The following NUDT6 variants were observed in gnomAD, a reference collection of about 807,000 sequenced individuals.
NUDT6 encodes the protein FAD diphosphatase NUDT6.
NUDT6 carries 24 observed loss-of-function variants against 36.8 expected under a neutral mutation model. The ratio of observed to expected loss-of-function variants is 0.65; its 90% confidence interval spans 0.47 to 0.92. The LOEUF (loss-of-function observed/expected upper bound fraction) is 0.92. Ranked by LOEUF, NUDT6 falls within the 40% of genes least tolerant of loss-of-function variation. The pLI is 0.00. For missense variants in NUDT6, 388 were observed against 392.8 expected (o/e 0.99, Z 0.10); for synonymous variants, 163 against 157.0 (o/e 1.04, Z -0.29).
At chr4:122,905,493 G>T (rs954491323) in intron 3 of NUDT6, among the ~76,000 whole-genome samples, 2 of 152,140 alleles carry the variant, frequency 1.3e-5, no homozygotes, top group Non-Finnish European at 2.9e-5. Context: ...ATGTATGTCT[G>T]TGTGTATACA....
At chr4:122,900,084 GC>G (rs911497780) in intron 3 of NUDT6, among the ~76,000 whole-genome samples, 1 of 41,506 alleles carries the variant, frequency 2.4e-5, no homozygotes, top group Non-Finnish European at 5.1e-5. Flanking sequence ...CACCACCACT[GC>G]CCCAGAGAGA....
upstream of NUDT6, chr4:122,922,952 C>T: frequency 1.5e-6 from 1 of 656,808 alleles, no homozygotes; most frequent in East Asian, 2.6e-5. Context: ...GCCGTTACAG[C>T]TGTTTCAAAG....
chr4:122,922,206 C>G (rs1236318308), intron 1 of NUDT6, 129 bp downstream of exon 1: 14 of 725,090 alleles, frequency 1.9e-5, no homozygotes, highest in African/African-American at 3.7e-5. Flanking sequence ...AGGTCCAGGT[C>G]ACGCGTGCCT....
intron 3 of NUDT6, among the ~76,000 whole-genome samples, chr4:122,900,059 C>CG (rs35062626): frequency 8.4e-5 from 8 of 94,768 alleles, no homozygotes; most frequent in Non-Finnish European, 1.1e-4. Context: ...CCCCCGCCAC[C>CG]CCCCCCCCGG....
chr4:122,920,363 A>G (rs1727947343), intron 1 of NUDT6: 1 of 152,324 alleles, frequency 6.6e-6, no homozygotes, highest in Admixed American at 6.5e-5. Flanking sequence ...ATCTACCTCA[A>G]AGGGTTGTTA....
chr4:122,914,921 G>A (rs72919875), intron 2 of NUDT6, among the ~76,000 whole-genome samples: 6,748 of 152,110 alleles, frequency 0.044, 489 homozygotes, highest in African/African-American at 0.15. Context: ...ATATAATAGA[G>A]TTTCAGACTG....
intron 3 of NUDT6, among the ~76,000 whole-genome samples, chr4:122,911,595 A>G (rs1393127780): frequency 6.6e-6 from 1 of 152,198 alleles, no homozygotes. Flanking sequence ...CCATAAGAAT[A>G]GTTTTAGATA....
intron 3 of NUDT6, among the ~76,000 whole-genome samples, chr4:122,905,625 T>C (rs11737764): frequency 0.8 from 121,340 of 152,194 alleles, 50,456 homozygotes; most frequent in East Asian, 0.95. Flanking sequence ...GCCCATATTC[T>C]CACCCATGAG....
intron 4 of NUDT6, chr4:122,894,268 A>T (rs768643348): frequency 2.0e-5 from 3 of 152,224 alleles, no homozygotes; most frequent in Admixed American, 6.5e-5. Context: ...CCATAGGTTA[A>T]ACATGGTTAG....
At chr4:122,893,358 A>C in intron 4 of NUDT6, 133 bp from the exon 5 acceptor site, 1 of 817,674 alleles carries the variant, frequency 1.2e-6, no homozygotes. Flanking sequence ...TTTTCAATAC[A>C]AATTCTTTGC....
At chr4:122,907,190 G>A (rs961679952) in intron 3 of NUDT6, among the ~76,000 whole-genome samples, 3 of 152,126 alleles carry the variant, frequency 2.0e-5, no homozygotes, top group Admixed American at 6.5e-5. Context: ...GAGGGCAGTG[G>A]CATGATCTCA....
At chr4:122,903,911 G>A (rs2150803221) in intron 3 of NUDT6, among the ~76,000 whole-genome samples, 1 of 152,282 alleles carries the variant, frequency 6.6e-6, no homozygotes, top group South Asian at 2.1e-4. Flanking sequence ...AGAGATCTGG[G>A]TCCAGATAAA....
chr4:122,920,529 G>A (rs1037924750), intron 1 of NUDT6: 4 of 152,158 alleles, frequency 2.6e-5, no homozygotes, highest in Middle Eastern at 3.2e-3. Flanking sequence ...TAGAGCTGGC[G>A]TTATTCACAA....
chr4:122,909,213 G>A (rs889201455), intron 3 of NUDT6, among the ~76,000 whole-genome samples: 2 of 151,900 alleles, frequency 1.3e-5, no homozygotes, highest in African/African-American at 2.4e-5. Context: ...CCATAGGTGC[G>A]CACCACCATT....
rs915555379 is a variant in NUDT6, at chr4:122,917,592, G to A, written c.351C>T (p.His117=). ...TCAACGTTGATGAATCCGATTCTGC[G>A]TGGTGAAAGCAGAAGCCCAGGGAAG... ...PAASLGFCFH[H]AESDSSTLTL... is the part of the protein sequence containing the mutation. Residue 117 remains histidine, a synonymous_variant, in exon 2 of 5, where the codon CAC becomes CAT. Coordinates refer to ENST00000304430, the MANE Select transcript of NUDT6 (RefSeq NM_007083.5). The A allele has an allele frequency of 1.2e-5, 19 of 1,614,046 alleles. No individual in the cohort carries two copies. Among genetic ancestry groups the A allele is most frequent in the Admixed American group, 8.3e-5 (5 of 60,006 alleles).
Position 122,917,671 on chromosome 4 carries a change from G to C in NUDT6, c.272C>G (p.Thr91Arg). 2 of 1,614,144 alleles carry C rather than the reference G, an allele frequency of 1.2e-6. No homozygotes were observed. Among genetic ancestry groups the C allele is most frequent in the Non-Finnish European group, 1.7e-6 (2 of 1,179,998 alleles). The change falls in exon 2 of 5, where the codon ACA becomes AGA. Residue 91 changes from threonine to arginine, a missense_variant. Transcript: ENST00000304430. ...AVQQWRSEGRTAVWLHIPILQ... is the reference protein window; with the variant it reads ...AVQQWRSEGRRAVWLHIPILQ... Reference sequence around the variant, plus strand: ...GATGGGAATGTGCAGCCATACAGCTGTTCTACCTTCTGATCGCCATTGCTG... The same window carrying C: ...GATGGGAATGTGCAGCCATACAGCTCTTCTACCTTCTGATCGCCATTGCTG...
At chr4:122,917,453 G>A in intron 2 of NUDT6, 48 bp downstream of exon 2, 1 of 1,484,538 alleles carries the variant, frequency 6.7e-7, no homozygotes, top group Non-Finnish European at 9.4e-7. Flanking sequence ...AAGAAATTGG[G>A]TGAACGTCTA....
Position 122,893,216 on chromosome 4 carries a change from G to A in NUDT6, c.563C>T (p.Ala188Val), listed in dbSNP as rs112477231. The A allele has an allele frequency of 1.2e-4, 197 of 1,602,020 alleles. 1 individual carries two copies. Among genetic ancestry groups the A allele is most frequent in the South Asian group, 1.1e-3 (101 of 89,450 alleles). ...AGTCTCTTCAAAAACTTCTCGAACC[G>A]CTGTGTCTCCTACGTAAAAAAAGAG... is the stretch of plus-strand genomic sequence containing the variant. ...SEPEEDIGDT[A>V]VREVFEETGI... Residue 188 changes from alanine to valine, a missense_variant, in exon 5 of 5, where the codon GCG (alanine) becomes GTG (valine). By Grantham distance (64) the Ala-to-Val change is moderately conservative. Coordinates refer to ENST00000304430, the MANE Select transcript of NUDT6 (RefSeq NM_007083.5).
chr4:122,895,588 T>C (rs920939054), intron 4 of NUDT6: 1 of 152,200 alleles, frequency 6.6e-6, no homozygotes, highest in Admixed American at 6.5e-5. Flanking sequence ...CTGCCAGTGG[T>C]AATACGATTT....
Sources: gnomAD v4.1 joint callset for allele counts (sites outside exome capture counted in the v4.1 genomes callset) on GRCh38, gnomAD v4.1.1 for gene constraint, MANE v1.5 for transcripts, NCBI Gene and HGNC (gene_info 2026-07-23, HGNC 2026-07-21) for gene names.